The following COG5 variants were observed in gnomAD, a reference collection of about 807,000 sequenced individuals.
The protein encoded by COG5 is conserved oligomeric Golgi complex subunit 5.
COG5 carries 86 observed loss-of-function variants against 110.4 expected under a neutral mutation model. The ratio of observed to expected loss-of-function variants is 0.78; its 90% CI spans 0.65 to 0.93. The LOEUF (loss-of-function observed/expected upper bound fraction) is 0.93, where lower values mean the gene tolerates loss of function less well. Among genes scored for constraint, COG5 ranks in the 40% least tolerant of loss-of-function variants. The pLI is 0.00. For missense variants in COG5, 1,077 were observed against 987.0 expected (o/e 1.09, Z -1.22); for synonymous variants, 360 against 334.6 (o/e 1.08, Z -0.83).
intron 18 of COG5, among the ~76,000 whole-genome samples, chr7:107,232,741 A>G (rs1221953519): frequency 1.3e-5 from 2 of 152,236 alleles, no homozygotes; most frequent in Non-Finnish European, 2.9e-5. Context: ...CCATTAAACA[A>G]TAAAGGCCAT....
Position 107,341,528 on chromosome 7 carries a change from T to C in COG5, c.1027-17007A>G, listed in dbSNP as rs532442278. Among the ~76,000 whole-genome samples, 9 of 152,088 alleles carry C rather than the reference T, an allele frequency of 5.9e-5. No individual in the cohort carries two copies. In the South Asian group the frequency reaches 1.9e-3, roughly 32 times the overall value. On this transcript the variant is annotated intron_variant, in intron 10 of 21. Transcript: ENST00000297135. ...TTCACAAAATTAGAAAAAAGTATTCTAAAATTCATATGGAACCAAAAAAAA... is the reference window on the plus strand; with the variant it reads ...TTCACAAAATTAGAAAAAAGTATTCCAAAATTCATATGGAACCAAAAAAAA...
intron 10 of COG5, among the ~76,000 whole-genome samples, chr7:107,336,296 CAG>C (rs2129033541): frequency 6.6e-6 from 1 of 152,236 alleles, no homozygotes; most frequent in Non-Finnish European, 1.5e-5. Flanking sequence ...AGCACAGAAA[CAG>C]AAATATTGCA....
At chr7:107,505,052 T>A (rs1444781820) in intron 6 of COG5, among the ~76,000 whole-genome samples, 7 of 152,198 alleles carry the variant, frequency 4.6e-5, no homozygotes, top group African/African-American at 1.7e-4. Context: ...AATATGTTGG[T>A]CATGTGAGCA....
chr7:107,410,572 C>T (rs1045562476), intron 7 of COG5, among the ~76,000 whole-genome samples: 2 of 151,848 alleles, frequency 1.3e-5, no homozygotes, highest in South Asian at 2.1e-4. Flanking sequence ...CCTCCCGAGT[C>T]GCTGGGATTA....
intron 6 of COG5, among the ~76,000 whole-genome samples, chr7:107,415,764 GTGTA>G (rs1251918008): frequency 9.7e-5 from 14 of 144,398 alleles, no homozygotes; most frequent in Non-Finnish European, 2.0e-4. Flanking sequence ...ATATGTATGT[GTGTA>G]TATATACACA....
chr7:107,499,087 C>G (rs111466615), intron 6 of COG5, among the ~76,000 whole-genome samples: 101 of 152,198 alleles, frequency 6.6e-4, no homozygotes, highest in Middle Eastern at 3.4e-3. Flanking sequence ...CATAAGGTAT[C>G]TAAAATAGAC....
chr7:107,436,757 A>G (rs1376884730), intron 6 of COG5, among the ~76,000 whole-genome samples: 1 of 152,238 alleles, frequency 6.6e-6, no homozygotes, highest in African/African-American at 2.4e-5. Flanking sequence ...ATAAAGGAAT[A>G]TAATAAAAAT....
intron 14 of COG5, among the ~76,000 whole-genome samples, chr7:107,277,176 T>C (rs928938381): frequency 6.6e-6 from 1 of 152,010 alleles, no homozygotes; most frequent in African/African-American, 2.4e-5. Context: ...TATTGTAAAA[T>C]GAATGAGCAA....
intron 5 of COG5, among the ~76,000 whole-genome samples, chr7:107,543,820 C>T (rs540558035): frequency 1.3e-5 from 2 of 152,298 alleles, no homozygotes; most frequent in African/African-American, 4.8e-5. Flanking sequence ...CTCCAACAGA[C>T]ACAAAGTTCA....
At chr7:107,454,850 A>G (rs900526153) in intron 6 of COG5, among the ~76,000 whole-genome samples, 9 of 152,210 alleles carry the variant, frequency 5.9e-5, no homozygotes, top group African/African-American at 9.6e-5. Context: ...GAAAAAAAAA[A>G]TCTGTACTTA....
At chr7:107,348,069 T>C (rs530517073) in intron 10 of COG5, among the ~76,000 whole-genome samples, 1 of 133,254 alleles carries the variant, frequency 7.5e-6, no homozygotes, top group Admixed American at 9.3e-5. Context: ...GAAGTTGCAG[T>C]GACCCGAGAC....
At chr7:107,469,418 A>C (rs1796500995) in intron 6 of COG5, among the ~76,000 whole-genome samples, 1 of 152,162 alleles carries the variant, frequency 6.6e-6, no homozygotes, top group South Asian at 2.1e-4. Flanking sequence ...AGCTACTATA[A>C]TGAAATGTTT....
chr7:107,521,969 A>G (rs28837738), intron 6 of COG5, among the ~76,000 whole-genome samples: 1 of 152,210 alleles, frequency 6.6e-6, no homozygotes, highest in African/African-American at 2.4e-5. Context: ...TGTCCTTGGC[A>G]GGGACATGGA....
intron 6 of COG5, among the ~76,000 whole-genome samples, chr7:107,512,505 C>T (rs967100989): frequency 6.6e-6 from 1 of 152,170 alleles, no homozygotes; most frequent in Non-Finnish European, 1.5e-5. Context: ...CCATCCCCAT[C>T]AAGCTACCAA....
intron 6 of COG5, among the ~76,000 whole-genome samples, chr7:107,484,719 T>C (rs1025258031): frequency 2.0e-5 from 3 of 152,246 alleles, no homozygotes; most frequent in African/African-American, 4.8e-5. Flanking sequence ...AGCTAATGAT[T>C]ATAGTTTTCC....
At chr7:107,448,709 T>A (rs556612160) in intron 6 of COG5, among the ~76,000 whole-genome samples, 1 of 152,162 alleles carries the variant, frequency 6.6e-6, no homozygotes, top group African/African-American at 2.4e-5. Flanking sequence ...CAGAGTACAG[T>A]TGATTCTTGA....
intron 21 of COG5, chr7:107,208,683 T>C (rs1036628214): frequency 3.0e-6 from 3 of 985,354 alleles, no homozygotes; most frequent in Non-Finnish European, 2.4e-6. Flanking sequence ...CTCCCATTTC[T>C]GTGTCAGATG....
chr7:107,280,023 C>G (rs1805039266), intron 14 of COG5, among the ~76,000 whole-genome samples: 1 of 152,036 alleles, frequency 6.6e-6, no homozygotes, highest in South Asian at 2.1e-4. Context: ...ATCTTTCTTA[C>G]AGTGTTATCT....
At position 107,201,848 on chromosome 7, in the gene COG5, C is replaced by T. The variant is rs1798341460; in HGVS notation, c.*1668G>A. The T allele has an allele frequency of 6.4e-6, 1 of 155,478 alleles. No homozygotes were observed. Among genetic ancestry groups the T allele is most frequent in the South Asian group, 2.0e-4 (1 of 4,940 alleles). The allele number at this position is 155,478 out of a possible 1,614,324, so 9.6% of individuals were successfully genotyped here. On this transcript the variant is annotated 3_prime_UTR_variant, in exon 22 of 22. Coordinates refer to ENST00000297135, the MANE Select transcript of COG5 (RefSeq NM_006348.5). ...TTACTGCTTATTAATCTGTATTGTA[C>T]ACATGATGAAATGAAGCAGAAGCTG...
Sources: gnomAD v4.1 joint callset for allele counts (sites outside exome capture counted in the v4.1 genomes callset) on GRCh38, gnomAD v4.1.1 for gene constraint, MANE v1.5 for transcripts, NCBI Gene and HGNC (gene_info 2026-07-23, HGNC 2026-07-21) for gene names.